Variants in CARM1 observed in about 807,000 individuals in gnomAD.
The protein encoded by CARM1 is histone-arginine methyltransferase CARM1.
CARM1 carries 14 observed loss-of-function variants against 72.7 expected under a neutral mutation model. That is an observed-to-expected ratio of 0.19 (90% CI 0.13 to 0.30). The LOEUF (loss-of-function observed/expected upper bound fraction) is 0.30, where lower values mean the gene tolerates loss of function less well. Ranked by LOEUF, CARM1 falls within the 10% of genes least tolerant of loss-of-function variation. CARM1 has a pLI of 1.00. For synonymous variants in CARM1, 333 were observed against 345.5 expected (o/e 0.96, Z 0.40); for missense variants, 432 against 833.7 (o/e 0.52, Z 5.93).
At chr19:10,895,162 T>C (rs1414182343) in intron 1 of CARM1, among the ~76,000 whole-genome samples, 3 of 152,176 alleles carry the variant, frequency 2.0e-5, no homozygotes, top group Admixed American at 6.5e-5. Context: ...TGGAGGGCAG[T>C]GGCGTGATTT....
chr19:10,890,730 CACAT>C (rs1208946797), intron 1 of CARM1, among the ~76,000 whole-genome samples: 1 of 140,666 alleles, frequency 7.1e-6, no homozygotes, highest in Non-Finnish European at 1.5e-5. Flanking sequence ...AATATATAGA[CACAT>C]ATATACACAT....
At chr19:10,900,349 A>G (rs2074054821) in intron 1 of CARM1, among the ~76,000 whole-genome samples, 1 of 152,166 alleles carries the variant, frequency 6.6e-6, no homozygotes, top group South Asian at 2.1e-4. Context: ...AGGAGACCCC[A>G]CATCCATTAA....
At chr19:10,921,331 G>A in intron 14 of CARM1, 44 bp from the exon 15 acceptor site, 1 of 1,604,880 alleles carries the variant, frequency 6.2e-7, no homozygotes, top group Non-Finnish European at 8.5e-7. Flanking sequence ...GCTGGGGGCG[G>A]TGACGCCGTC....
At chr19:10,911,611 G>A (rs773451363) in intron 4 of CARM1, among the ~76,000 whole-genome samples, 2 of 152,220 alleles carry the variant, frequency 1.3e-5, no homozygotes, top group Admixed American at 6.5e-5. Flanking sequence ...CACCAGGAAT[G>A]TCTGTCCTTG....
intron 5 of CARM1, among the ~76,000 whole-genome samples, chr19:10,913,096 G>A (rs2074165931): frequency 6.6e-6 from 1 of 151,954 alleles, no homozygotes; most frequent in Admixed American, 6.6e-5. Flanking sequence ...AGGCAGGGCC[G>A]GGGTCACAGT....
chr19:10,921,640 T>C lies in CARM1; in HGVS notation c.1710T>C (p.Gly570=), dbSNP rs1296235095. The C allele has an allele frequency of 3.1e-6, 5 of 1,613,090 alleles. No individual in the cohort carries two copies. In the Admixed American group the frequency reaches 8.3e-5, roughly 27 times the overall value. The change falls in exon 16 of 16, where the codon GGT becomes GGC. Residue 570 remains glycine (G), a synonymous_variant. Transcript: ENST00000327064. ...GGTCCTCCGGCGCCCAGGGCAGTGG[T>C]GGTGGCAGCACGAGTGCCCACTATG... ...VQGSSGAQGS[G]GGSTSAHYAV...
chr19:10,889,705 G>C (rs1474606296), intron 1 of CARM1, among the ~76,000 whole-genome samples: 4 of 152,104 alleles, frequency 2.6e-5, no homozygotes, highest in East Asian at 1.9e-4. Context: ...GACTTTGTGA[G>C]TTGCCAATGC....
rs1448998195 is a variant in CARM1 at position 10,908,131 on chromosome 19, G to A, written c.439G>A (p.Val147Met). 3.1e-6 allele frequency: 5 copies of A among 1,612,860 alleles called. No homozygotes were observed. Among genetic ancestry groups the A allele is most frequent in the Non-Finnish European group, 4.2e-6 (5 of 1,178,950 alleles). The change falls in exon 3 of 16, where the codon GTG becomes ATG. Residue 147 changes from valine to methionine, a missense_variant. Val to Met is a conservative substitution (Grantham distance 21). This residue lies in a region of CARM1 where 152 missense variants were observed against 452.8 expected (regional missense o/e 0.34). Coordinates refer to ENST00000327064, the MANE Select transcript of CARM1 (RefSeq NM_199141.2). ...FSERTEESSA[V>M]QYFQFYGYLS... The stretch of plus-strand genomic sequence containing the variant: ...CGAGCGGACGGAGGAGTCTTCTGCC[G>A]TGCAGTACTTCCAGGTGGGTTGTAC...
rs969106951 is a variant in CARM1 at position 10,871,685 on chromosome 19, C to T, written c.-18C>T. ...GGGCGCAGCGGCGGCGGCGGCGGGG[C>T]CTGGAGCCGGATCTAAGATGGCAGC... is the stretch of plus-strand genomic sequence containing the variant. On this transcript the variant is annotated 5_prime_UTR_variant, in exon 1 of 16. Transcript: ENST00000327064. The surrounding 1 kb of genome is among the most constrained non-coding windows in gnomAD (Gnocchi z 5.6). 1.4e-6 allele frequency: 1 copy of T among 706,704 alleles called. No individual in the cohort carries two copies. Among genetic ancestry groups the T allele is most frequent in the Non-Finnish European group, 1.7e-6 (1 of 580,120 alleles). The allele number at this position is 706,704 out of a possible 1,614,324, so 43.8% of individuals were successfully genotyped here. A position where few individuals can be genotyped will look rare whatever the true frequency, so the allele number is the denominator to read the frequency against.
At chr19:10,908,618 C>T (rs1568353959) in intron 3 of CARM1, 1 of 189,180 alleles carries the variant, frequency 5.3e-6, no homozygotes, top group Non-Finnish European at 1.1e-5. Context: ...GCAACAGAGC[C>T]AAGATGGGAA....
intron 8 of CARM1, among the ~76,000 whole-genome samples, chr19:10,918,166 G>C (rs1483375363): frequency 6.6e-6 from 1 of 152,166 alleles, no homozygotes; most frequent in African/African-American, 2.4e-5. Flanking sequence ...CTTTGGTAAT[G>C]TTAATGCAAG....
intron 3 of CARM1, 80 bp downstream of exon 3, chr19:10,908,225 C>T: frequency 1.1e-6 from 1 of 894,428 alleles, no homozygotes. Context: ...CCACACAGCA[C>T]AGGGAAGGCC....
chr19:10,887,839 A>G (rs1416720563), intron 1 of CARM1, among the ~76,000 whole-genome samples: 1 of 151,960 alleles, frequency 6.6e-6, no homozygotes. Context: ...CCTCCATTGG[A>G]GGCTGCCTCC....
intron 1 of CARM1, among the ~76,000 whole-genome samples, chr19:10,872,710 G>A (rs945330456): frequency 6.6e-6 from 1 of 152,118 alleles, no homozygotes; most frequent in African/African-American, 2.4e-5. Flanking sequence ...TCACAAATGC[G>A]TTTGCCAGCA....
At chr19:10,894,941 C>G (rs536376067) in intron 1 of CARM1, among the ~76,000 whole-genome samples, 67 of 152,058 alleles carry the variant, frequency 4.4e-4, no homozygotes, top group Middle Eastern at 6.8e-3. Flanking sequence ...GATGGGGTCT[C>G]ACTGTGTTAC....
rs369223319 is a variant in CARM1, at chr19:10,883,725, T to A, written c.220+11803T>A. 3.0e-3 allele frequency among the ~76,000 whole-genome samples: 451 copies of A among 152,298 alleles called. 3 individuals carry two copies. The highest frequency in any genetic ancestry group is 5.0e-3 in the Non-Finnish European group (341 of 68,026). On this transcript the variant is annotated intron_variant, in intron 1 of 15. Transcript: ENST00000327064. ...TGCGCCACCACGGCTGGCTAATTTT[T>A]TAAAAAAATTGGCTGGGAGTGGTGG...
chr19:10,913,111 T>G (rs2074166190), intron 5 of CARM1, among the ~76,000 whole-genome samples: 1 of 150,920 alleles, frequency 6.6e-6, no homozygotes, highest in South Asian at 2.1e-4. Context: ...CACAGTGAAC[T>G]CTCTTTTTTT....
intron 1 of CARM1, 92 bp downstream of exon 1, chr19:10,872,014 G>A (rs1341431044): frequency 4.7e-6 from 5 of 1,060,914 alleles, no homozygotes; most frequent in Non-Finnish European, 5.9e-6. Context: ...CCTGAGCGCG[G>A]GGGCCTGGCG....
chr19:10,888,023 C>T (rs2146313071), intron 1 of CARM1, among the ~76,000 whole-genome samples: 1 of 152,356 alleles, frequency 6.6e-6, no homozygotes, highest in Non-Finnish European at 1.5e-5. Context: ...CCTCAGCAGC[C>T]TGGGGTCTTC....
Sources: gnomAD v4.1 joint callset for allele counts (sites outside exome capture counted in the v4.1 genomes callset) on GRCh38, gnomAD v4.1.1 for gene constraint, gnomAD v4.1.1 regional missense constraint, Gnocchi (gnomAD v3.1) non-coding constraint, MANE v1.5 for transcripts, NCBI Gene and HGNC (gene_info 2026-07-23, HGNC 2026-07-21) for gene names.